NSMCE2: variants seen among roughly 807,000 people sequenced by gnomAD.
NSMCE2 encodes the protein NSE2 SUMO ligase component of SMC5/6 complex.
In NSMCE2, 24 loss-of-function variants were observed where a neutral mutation model predicts 23.8. The observed-to-expected ratio is 1.01, with a 90% CI of 0.73 to 1.42. The LOEUF is 1.42. Among genes scored for constraint, NSMCE2 ranks in the 40% most tolerant of loss-of-function variants. NSMCE2 has a pLI of 0.00. For synonymous variants in NSMCE2, 92 were observed against 94.1 expected (o/e 0.98, Z 0.13); for missense variants, 284 against 296.5 (o/e 0.96, Z 0.31).
chr8:125,277,496 A>G (rs1003059418), intron 5 of NSMCE2, among the ~76,000 whole-genome samples: 5 of 151,752 alleles, frequency 3.3e-5, no homozygotes, highest in African/African-American at 9.7e-5. Flanking sequence ...ATAATTTGTC[A>G]TCTTCTTCTT....
intron 5 of NSMCE2, among the ~76,000 whole-genome samples, chr8:125,267,123 G>A (rs1433642721): frequency 6.8e-6 from 1 of 146,530 alleles, no homozygotes; most frequent in Non-Finnish European, 1.5e-5. Context: ...TCTTGCCTCA[G>A]CCTCCCAAGT....
At chr8:125,138,210 G>GT (rs1463468848) in intron 3 of NSMCE2, among the ~76,000 whole-genome samples, 1 of 152,016 alleles carries the variant, frequency 6.6e-6, no homozygotes, top group Non-Finnish European at 1.5e-5. Context: ...TTTTTGTTGA[G>GT]TTTTTTCTTT....
rs773917653 is a variant in NSMCE2, at chr8:125,366,837, A to AAGGG, written c.697_700dup (p.Ala234GlufsTer4). 10 of 1,613,638 alleles carry AAGGG rather than the reference A, an allele frequency of 6.2e-6. No individual in the cohort carries two copies. The highest frequency in any genetic ancestry group is 7.6e-6 in the Non-Finnish European group (9 of 1,179,512). On this transcript the variant is annotated frameshift_variant, in exon 8 of 8. Transcript: ENST00000287437. LOFTEE classifies it high-confidence loss of function. ...ATCTTATCCAGGATGAAGCACTTAG[A>AAGGG]AGGGCAATTGAGAACCATAACAAGA...
chr8:125,187,774 A>G (rs768790854), intron 5 of NSMCE2, among the ~76,000 whole-genome samples: 5 of 152,192 alleles, frequency 3.3e-5, no homozygotes, highest in Non-Finnish European at 5.9e-5. Flanking sequence ...CTTTATGTTC[A>G]AAAACAGAAT....
intron 5 of NSMCE2, chr8:125,182,557 T>C (rs1308179839): frequency 2.2e-6 from 1 of 454,754 alleles, no homozygotes; most frequent in Non-Finnish European, 3.8e-6. Context: ...AAGTGAAAAC[T>C]ATTTTATTTA....
At chr8:125,224,484 T>C (rs1825006555) in intron 5 of NSMCE2, among the ~76,000 whole-genome samples, 1 of 152,244 alleles carries the variant, frequency 6.6e-6, no homozygotes, top group Non-Finnish European at 1.5e-5. Flanking sequence ...TTTGCATATA[T>C]TGTGAGTTAA....
intron 5 of NSMCE2, among the ~76,000 whole-genome samples, chr8:125,336,250 A>G (rs1274278752): frequency 1.3e-5 from 2 of 152,220 alleles, no homozygotes; most frequent in Non-Finnish European, 2.9e-5. Flanking sequence ...TGTGCTGGGC[A>G]TATTAAATAA....
intron 5 of NSMCE2, among the ~76,000 whole-genome samples, chr8:125,304,442 T>C (rs1429668050): frequency 6.6e-6 from 1 of 152,024 alleles, no homozygotes; most frequent in Non-Finnish European, 1.5e-5. Flanking sequence ...TGTGCTAAAG[T>C]GTAGAGAGAC....
chr8:125,216,744 C>A (rs759435107), intron 5 of NSMCE2, among the ~76,000 whole-genome samples: 16 of 151,980 alleles, frequency 1.1e-4, no homozygotes, highest in Non-Finnish European at 2.1e-4. Flanking sequence ...AACCATTCTT[C>A]ACTCTCTCAC....
intron 5 of NSMCE2, among the ~76,000 whole-genome samples, chr8:125,187,645 G>A (rs1208629761): frequency 3.3e-5 from 5 of 152,070 alleles, no homozygotes; most frequent in African/African-American, 7.2e-5. Flanking sequence ...TGACTATCAG[G>A]CCCTGTAGAT....
At chr8:125,249,372 G>T (rs537344471) in intron 5 of NSMCE2, among the ~76,000 whole-genome samples, 30 of 152,276 alleles carry the variant, frequency 2.0e-4, no homozygotes, top group African/African-American at 7.0e-4. Context: ...CATCACAGCT[G>T]ACAGTCCATT....
chr8:125,274,546 A>G (rs982639630), intron 5 of NSMCE2, among the ~76,000 whole-genome samples: 23 of 152,164 alleles, frequency 1.5e-4, no homozygotes, highest in African/African-American at 5.3e-4. Flanking sequence ...TTCCAGTTCT[A>G]TGCATTTTTA....
chr8:125,281,589 G>A (rs1478512494), intron 5 of NSMCE2, among the ~76,000 whole-genome samples: 2 of 151,924 alleles, frequency 1.3e-5, no homozygotes, highest in African/African-American at 2.4e-5. Context: ...ACAGGAGTGC[G>A]CCATCACACC....
chr8:125,231,712 T>A (rs1825331024), intron 5 of NSMCE2, among the ~76,000 whole-genome samples: 1 of 152,212 alleles, frequency 6.6e-6, no homozygotes, highest in African/African-American at 2.4e-5. Context: ...TGGGTTATGA[T>A]AAAAATATAT....
chr8:125,178,521 TA>T (rs1319511857), intron 4 of NSMCE2, among the ~76,000 whole-genome samples: 2 of 152,222 alleles, frequency 1.3e-5, no homozygotes, highest in Non-Finnish European at 2.9e-5. Flanking sequence ...GTTGAAGTCC[TA>T]ACCCCTAGTA....
intron 5 of NSMCE2, among the ~76,000 whole-genome samples, chr8:125,295,346 A>G (rs1301888192): frequency 6.6e-6 from 1 of 152,178 alleles, no homozygotes; most frequent in African/African-American, 2.4e-5. Flanking sequence ...ACTAGCAGAC[A>G]GGTAAAAACA....
At chr8:125,224,879 G>A (rs138473452) in intron 5 of NSMCE2, among the ~76,000 whole-genome samples, 46 of 152,194 alleles carry the variant, frequency 3.0e-4, no homozygotes, top group African/African-American at 1.1e-3. Flanking sequence ...TTACTATTAC[G>A]TAAACTGCCT....
At chr8:125,189,693 A>G (rs898428182) in intron 5 of NSMCE2, among the ~76,000 whole-genome samples, 2 of 152,220 alleles carry the variant, frequency 1.3e-5, no homozygotes, top group Non-Finnish European at 2.9e-5. Flanking sequence ...GACAAAAATT[A>G]GCATTTATAG....
At chr8:125,266,912 C>G (rs538851271) in intron 5 of NSMCE2, among the ~76,000 whole-genome samples, 2 of 150,208 alleles carry the variant, frequency 1.3e-5, no homozygotes, top group South Asian at 2.1e-4. Flanking sequence ...TATCACAGGA[C>G]AAAAACTTTA....
Sources: allele counts gnomAD v4.1 joint callset (sites outside exome capture counted in the v4.1 genomes callset), GRCh38; gene constraint gnomAD v4.1.1; transcripts MANE v1.5; gene names NCBI Gene and HGNC (gene_info 2026-07-23, HGNC 2026-07-21).